The following SMC6 variants were observed in gnomAD, a reference collection of about 807,000 sequenced individuals.
The protein encoded by SMC6 is structural maintenance of chromosomes protein 6.
A neutral mutation model predicts 142.2 loss-of-function variants in SMC6; 79 were observed. The observed-to-expected ratio is 0.56, with a 90% CI of 0.46 to 0.67. The LOEUF is 0.67. SMC6 is among the 30% of genes least tolerant of loss of function. The pLI is 0.00. For missense variants in SMC6, 1,072 were observed against 1,284.0 expected (o/e 0.83, Z 2.52); for synonymous variants, 411 against 412.4 (o/e 1.00, Z 0.04).
intron 27 of SMC6, 71 bp downstream of exon 27, chr2:17,666,349 T>C: frequency 2.6e-6 from 3 of 1,139,634 alleles, no homozygotes; most frequent in South Asian, 1.4e-5. Flanking sequence ...ATTTTAAAAA[T>C]TAAAATTGTA....
chr2:17,692,809 G>C (rs9750667), intron 23 of SMC6, among the ~76,000 whole-genome samples: 21,322 of 152,104 alleles, frequency 0.14, 1,804 homozygotes, highest in African/African-American at 0.24. Context: ...CTACTCATCT[G>C]ACAAAGGGCT....
chr2:17,733,545 A>C (rs185720980), intron 5 of SMC6, among the ~76,000 whole-genome samples: 27 of 152,364 alleles, frequency 1.8e-4, no homozygotes, highest in Non-Finnish European at 3.4e-4. Context: ...TGAAGGATAT[A>C]CAGAAAATTG....
chr2:17,741,040 C>A (rs1343646896), intron 4 of SMC6, among the ~76,000 whole-genome samples: 1 of 152,154 alleles, frequency 6.6e-6, no homozygotes, highest in Non-Finnish European at 1.5e-5. Flanking sequence ...GTCCACCATA[C>A]AATAAACCAT....
chr2:17,750,676 T>C (rs776218284), intron 2 of SMC6, among the ~76,000 whole-genome samples: 1 of 152,128 alleles, frequency 6.6e-6, no homozygotes, highest in Non-Finnish European at 1.5e-5. Context: ...CTGTCCTTCA[T>C]CTCGTCTATC....
At chr2:17,737,492 T>C (rs1476975530) in intron 5 of SMC6, among the ~76,000 whole-genome samples, 1 of 152,086 alleles carries the variant, frequency 6.6e-6, no homozygotes. Flanking sequence ...TGGGGCAGTA[T>C]GGAAAAGAAT....
At chr2:17,729,236 A>C (rs957181243) in intron 7 of SMC6, among the ~76,000 whole-genome samples, 5 of 152,216 alleles carry the variant, frequency 3.3e-5, no homozygotes, top group Non-Finnish European at 7.3e-5. Flanking sequence ...ACATTACTGC[A>C]TATCTCAATT....
intron 18 of SMC6, among the ~76,000 whole-genome samples, chr2:17,704,818 G>A (rs1668425923): frequency 6.6e-6 from 1 of 152,076 alleles, no homozygotes; most frequent in African/African-American, 2.4e-5. Context: ...ATAAAAATGT[G>A]GAAAGGAAGA....
At chr2:17,701,354 C>A (rs1008967639) in intron 20 of SMC6, among the ~76,000 whole-genome samples, 1 of 151,680 alleles carries the variant, frequency 6.6e-6, no homozygotes, top group African/African-American at 2.4e-5. Context: ...TAAACAGATT[C>A]CCGAAAAAAA....
At chr2:17,722,288 C>A (rs1669407774) in intron 9 of SMC6, among the ~76,000 whole-genome samples, 1 of 152,100 alleles carries the variant, frequency 6.6e-6, no homozygotes, top group African/African-American at 2.4e-5. Flanking sequence ...AGAGAGGTGG[C>A]CTCATATTTA....
intron 24 of SMC6, chr2:17,681,322 G>A (rs919575776): frequency 3.3e-5 from 5 of 152,302 alleles, no homozygotes; most frequent in South Asian, 4.1e-4. Context: ...CAATAAGGCT[G>A]TTTAATTTTC....
intron 23 of SMC6, among the ~76,000 whole-genome samples, chr2:17,690,365 A>C (rs922222445): frequency 2.6e-5 from 4 of 152,136 alleles, no homozygotes; most frequent in Non-Finnish European, 5.9e-5. Context: ...AGGCTGAGGC[A>C]GGTGATCACT....
intron 5 of SMC6, among the ~76,000 whole-genome samples, chr2:17,734,569 T>A (rs1454336840): frequency 6.6e-6 from 1 of 152,150 alleles, no homozygotes; most frequent in African/African-American, 2.4e-5. Context: ...AAAACATTTC[T>A]TAAATGACTA....
intron 11 of SMC6, among the ~76,000 whole-genome samples, chr2:17,720,474 T>G (rs1478727886): frequency 2.6e-5 from 4 of 152,236 alleles, no homozygotes; most frequent in Non-Finnish European, 5.9e-5. Context: ...GCCATCTTGG[T>G]TCTGGACCAT....
intron 27 of SMC6, 97 bp from the exon 28 acceptor site, chr2:17,665,710 T>C (rs913633575): frequency 6.8e-5 from 43 of 632,184 alleles, no homozygotes; most frequent in South Asian, 5.2e-4. Context: ...AAGCTAAATA[T>C]TTGGCTTTTA....
Position 17,695,272 on chromosome 2 carries a change from AT to A in SMC6, c.2557del (p.Ile853SerfsTer6). The A allele has an allele frequency of 3.1e-6, 5 of 1,612,590 alleles. No individual in the cohort carries two copies. The highest frequency in any genetic ancestry group is 4.2e-6 in the Non-Finnish European group (5 of 1,179,636). On this transcript the variant is annotated frameshift_variant, in exon 23 of 28. Transcript: ENST00000448223. LOFTEE classifies it high-confidence loss of function. Reference protein sequence around the residue: ...LEEKMSQARQICPERIEVEKS... With the variant: ...LEEKMSQARQXCPERIEVEKS... The stretch of plus-strand genomic sequence containing the variant: ...TTCTACTTCTATACGCTCTGGGCAG[AT>A]TTGTCTTGCTTGTGACATTTTCTCC...
intron 5 of SMC6, among the ~76,000 whole-genome samples, chr2:17,733,479 T>C (rs1019735803): frequency 1.3e-5 from 2 of 152,268 alleles, no homozygotes; most frequent in Non-Finnish European, 1.5e-5. Context: ...GGTAATTGTA[T>C]AGCTTTGATA....
At position 17,738,241 on chromosome 2, in the gene SMC6, A is replaced by G; in HGVS notation, c.324T>C (p.Gly108=). The change falls in exon 5 of 28, where the codon GGT becomes GGC. Residue 108 remains glycine (G), a synonymous_variant. Transcript: ENST00000448223. ...CTTACTTCTGTCCATCTTTCACAAA[A>G]CCTTTTAAAGAGGATCCTCTATTAG... The part of the protein sequence containing the change: ...VATNRGSSLK[G]FVKDGQNSAD... The G allele has an allele frequency of 1.2e-6, 2 of 1,612,974 alleles. No homozygotes were observed. The highest frequency in any genetic ancestry group is 2.2e-5 in the South Asian group (2 of 91,000).
intron 18 of SMC6, among the ~76,000 whole-genome samples, chr2:17,704,560 T>C (rs1310242969): frequency 1.3e-5 from 2 of 152,176 alleles, no homozygotes; most frequent in Non-Finnish European, 2.9e-5. Context: ...GAACAACTTT[T>C]CCCTGGTCTG....
chr2:17,701,066 TAATAC>T (rs1558345254), intron 20 of SMC6, among the ~76,000 whole-genome samples: 40 of 126,778 alleles, frequency 3.2e-4, no homozygotes, highest in Admixed American at 9.7e-4. Flanking sequence ...ATAATAATAA[TAATAC>T]AAAAATTTAG....
Sources: gnomAD v4.1 joint callset for allele counts (sites outside exome capture counted in the v4.1 genomes callset) on GRCh38, gnomAD v4.1.1 for gene constraint, MANE v1.5 for transcripts, NCBI Gene and HGNC (gene_info 2026-07-23, HGNC 2026-07-21) for gene names.